Variants in PDZD2 observed in about 807,000 individuals in gnomAD.
PDZD2 encodes PDZ domain containing 2, also known as PDZ domain-containing protein 2.
In PDZD2, 90 loss-of-function variants were observed where a neutral mutation model predicts 220.7. That is an observed-to-expected ratio of 0.41 (90% confidence interval 0.34 to 0.49). The LOEUF is 0.49. Among genes scored for constraint, PDZD2 ranks in the 20% least tolerant of loss-of-function variants. The probability of loss-of-function intolerance (pLI) is 0.28; values close to 1 mark genes in which losing one functional copy is unlikely to be tolerated. For synonymous variants in PDZD2, 1,375 were observed against 1,450.5 expected, an observed-to-expected ratio of 0.95 and a Z score of 1.18; for missense variants, 3,174 against 3,608.5, an observed-to-expected ratio of 0.88 and a Z score of 3.08.
intron 2 of PDZD2, among the ~76,000 whole-genome samples, chr5:31,807,318 T>C (rs4867385): frequency 0.44 from 66,253 of 152,000 alleles, 14,623 homozygotes; most frequent in East Asian, 0.58. Flanking sequence ...CTTTTGGACC[T>C]ACTTAGTGGG....
rs374251139 is a variant in PDZD2, at chr5:32,037,291, G to A, written c.1468G>A (p.Glu490Lys). 9.3e-6 allele frequency: 15 copies of A among 1,613,762 alleles called. No homozygotes were observed. The African/African-American group carries it at 1.7e-4, about 19-fold the overall frequency. Residue 490 changes from glutamate (E) to lysine (K), a missense_variant, in exon 7 of 25, where the codon GAA becomes AAA. By Grantham distance (56) the Glu-to-Lys change is moderately conservative. Around this residue, in one of 4 missense-constraint regions of PDZD2, gnomAD observed 632 missense variants for 708.1 expected, o/e 0.89. Coordinates refer to ENST00000438447, the MANE Select transcript of PDZD2 (RefSeq NM_178140.4). The part of the protein sequence containing the change: ...CGAEESKGNL[E>K]SPKQGSNKIK... ...TGCTGAGGAATCCAAGGGGAACTTGGAAAGTCCCAAACAGGGCAGCAATAA... is the reference window on the plus strand; with the variant it reads ...TGCTGAGGAATCCAAGGGGAACTTGAAAAGTCCCAAACAGGGCAGCAATAA...
intron 2 of PDZD2, among the ~76,000 whole-genome samples, chr5:31,890,281 A>G (rs558702843): frequency 1.1e-4 from 16 of 152,154 alleles, no homozygotes; most frequent in Non-Finnish European, 1.3e-4. Flanking sequence ...TGTGACGCAC[A>G]TGACCCAAGA....
At chr5:31,643,209 G>T (rs554711373) in intron 1 of PDZD2, among the ~76,000 whole-genome samples, 2 of 152,292 alleles carry the variant, frequency 1.3e-5, no homozygotes, top group African/African-American at 4.8e-5. Context: ...GTCAGTGAGA[G>T]CCCAGTGGAA....
At chr5:31,734,318 G>GTT (rs1749713646) in intron 1 of PDZD2, among the ~76,000 whole-genome samples, 1 of 151,912 alleles carries the variant, frequency 6.6e-6, no homozygotes, top group Non-Finnish European at 1.5e-5. Flanking sequence ...TGTTGTTGTT[G>GTT]TTGTTTTGTT....
chr5:31,785,100 T>TCAG (rs1008453643), intron 1 of PDZD2, among the ~76,000 whole-genome samples: 3 of 152,152 alleles, frequency 2.0e-5, no homozygotes, highest in Non-Finnish European at 4.4e-5. Flanking sequence ...CATCCTGCCT[T>TCAG]CAGGGTAAGC....
At chr5:31,840,394 CATTATATA>C (rs1757195982) in intron 2 of PDZD2, 2 of 84,918 alleles carry the variant, frequency 2.4e-5, no homozygotes, top group Admixed American at 1.5e-4. Flanking sequence ...TAGTCATTTT[CATTATATA>C]TATATATATA....
intron 1 of PDZD2, among the ~76,000 whole-genome samples, chr5:31,788,982 A>T (rs1369352084): frequency 2.0e-5 from 3 of 152,206 alleles, no homozygotes; most frequent in African/African-American, 7.2e-5. Context: ...CAGGGCCTTG[A>T]ATCTGAGGGT....
intron 2 of PDZD2, chr5:31,823,199 G>C: frequency 2.7e-6 from 1 of 368,312 alleles, no homozygotes. Context: ...ATCTTTTGTG[G>C]CTCACGCCTG....
intron 1 of PDZD2, among the ~76,000 whole-genome samples, chr5:31,746,961 G>A (rs1429500434): frequency 1.3e-5 from 2 of 152,158 alleles, no homozygotes; most frequent in Admixed American, 6.5e-5. Flanking sequence ...GGGAGCATGA[G>A]GTCAGGAGTT....
At chr5:31,640,563 C>T (rs939979669) in intron 1 of PDZD2, among the ~76,000 whole-genome samples, 1 of 152,196 alleles carries the variant, frequency 6.6e-6, no homozygotes, top group Non-Finnish European at 1.5e-5. Flanking sequence ...AGAGAGACCC[C>T]CTGGACCTTC....
intron 1 of PDZD2, among the ~76,000 whole-genome samples, chr5:31,701,983 T>C (rs749310991): frequency 5.9e-5 from 9 of 152,234 alleles, no homozygotes; most frequent in Non-Finnish European, 5.9e-5. Context: ...TGATAATCTG[T>C]GTGCATGGAA....
At chr5:31,775,267 A>G (rs1752572249) in intron 1 of PDZD2, among the ~76,000 whole-genome samples, 1 of 151,904 alleles carries the variant, frequency 6.6e-6, no homozygotes, top group African/African-American at 2.4e-5. Context: ...CTCATGTTCC[A>G]TAGATCCTTG....
intron 3 of PDZD2, among the ~76,000 whole-genome samples, chr5:31,992,462 G>A (rs767537306): frequency 1.7e-4 from 26 of 152,086 alleles, no homozygotes; most frequent in Non-Finnish European, 3.4e-4. Flanking sequence ...CATTTGAGCT[G>A]ATATTGTATT....
chr5:32,037,415 A>T (rs1755645795), intron 7 of PDZD2, 73 bp downstream of exon 7: 1 of 840,290 alleles, frequency 1.2e-6, no homozygotes. Flanking sequence ...AGATGAAGCC[A>T]TTGCCGGGAT....
intron 1 of PDZD2, among the ~76,000 whole-genome samples, chr5:31,688,692 AACC>A (rs1291550391): frequency 2.6e-5 from 4 of 152,082 alleles, no homozygotes; most frequent in African/African-American, 9.7e-5. Context: ...AGCTGAGGAG[AACC>A]ACCTTGGAGG....
Position 32,073,971 on chromosome 5 carries a change from T to A in PDZD2, c.2865T>A (p.Pro955=). The A allele has an allele frequency of 1.2e-6, 2 of 1,613,820 alleles. No homozygotes were observed. Among genetic ancestry groups the A allele is most frequent in the Non-Finnish European group, 1.7e-6 (2 of 1,179,932 alleles). The stretch of plus-strand genomic sequence containing the variant: ...GAAGCCCACAGGCCCTCCGAAACCC[T>A]CTCCTCCGCCAGAGGAAGGTAGGCT... The part of the protein sequence containing the change: ...LPGSPQALRN[P]LLRQRKVGCY... Residue 955 remains proline (P), a synonymous_variant, in exon 18 of 25, where the codon CCT becomes CCA. Transcript: ENST00000438447.
chr5:31,773,743 T>C (rs891771113), intron 1 of PDZD2, among the ~76,000 whole-genome samples: 10 of 152,088 alleles, frequency 6.6e-5, no homozygotes, highest in Non-Finnish European at 1.5e-5. Context: ...AGCCTGAAAT[T>C]CAGTATTAAT....
chr5:32,096,829 A>ATTTTTTTTTTTTTTTTT lies in PDZD2; in HGVS notation c.7846-442_7846-426dup, dbSNP rs71831480. On this transcript the variant is annotated intron_variant, in intron 21 of 24. Transcript: ENST00000438447. The stretch of plus-strand genomic sequence containing the variant: ...CATCATGATCAAATTATGTACTATG[A>ATTTTTTTTTTTTTTTTT]TTTTTTTTTTTTTTTTTTTTTTTTG... 3.1e-5 allele frequency among the ~76,000 whole-genome samples: 3 copies of ATTTTTTTTTTTTTTTTT among 96,832 alleles called. 1 individual carries two copies. Among genetic ancestry groups the ATTTTTTTTTTTTTTTTT allele is most frequent in the Non-Finnish European group, 5.6e-5 (3 of 53,332 alleles). The allele number at this position is 96,832 out of a possible 152,430, so 63.5% of individuals were successfully genotyped here. A position where few individuals can be genotyped will look rare whatever the true frequency, so the allele number is the denominator to read the frequency against.
intron 10 of PDZD2, among the ~76,000 whole-genome samples, chr5:32,055,117 A>G (rs1226251205): frequency 6.6e-6 from 1 of 152,192 alleles, no homozygotes; most frequent in Non-Finnish European, 1.5e-5. Context: ...TGAAATGTTT[A>G]TCTGGATTAA....
Sources: allele counts gnomAD v4.1 joint callset (sites outside exome capture counted in the v4.1 genomes callset), GRCh38; gene constraint gnomAD v4.1.1; regional missense constraint gnomAD v4.1.1; transcripts MANE v1.5; gene names NCBI Gene and HGNC (gene_info 2026-07-23, HGNC 2026-07-21).